Variants in SLC2A14 observed in about 807,000 individuals in gnomAD.
The protein encoded by SLC2A14 is solute carrier family 2, facilitated glucose transporter member 14.
In SLC2A14, 13 loss-of-function variants were observed where a neutral mutation model predicts 43.0. The ratio of observed to expected loss-of-function variants is 0.30; its 90% confidence interval spans 0.20 to 0.48. The LOEUF is 0.48. Ranked by LOEUF, SLC2A14 falls within the 20% of genes least tolerant of loss-of-function variation. The pLI is 0.99. For synonymous variants in SLC2A14, 190 were observed against 233.8 expected (o/e 0.81, Z 1.71); for missense variants, 428 against 620.4 (o/e 0.69, Z 3.29).
chr12:7,826,869 C>CCTTCA (rs1565507744), intron 7 of SLC2A14, among the ~76,000 whole-genome samples: 1 of 33,944 alleles, frequency 2.9e-5, no homozygotes, highest in Non-Finnish European at 5.8e-5. Context: ...TTTTTTCTTT[C>CCTTCA]TTTCTTTCTT....
At chr12:7,815,915 T>TTTG (rs1863406818) in intron 10 of SLC2A14, among the ~76,000 whole-genome samples, 1 of 151,338 alleles carries the variant, frequency 6.6e-6, no homozygotes, top group African/African-American at 2.4e-5. Context: ...TGTTTTTGTT[T>TTTG]TTGAGATGGA....
chr12:7,831,533 C>T, intron 4 of SLC2A14, 71 bp downstream of exon 4: 2 of 1,591,346 alleles, frequency 1.3e-6, no homozygotes, highest in East Asian at 4.5e-5. Flanking sequence ...CACCTCCCTG[C>T]CCTAACTCTC....
intron 8 of SLC2A14, 147 bp downstream of exon 8, chr12:7,821,074 A>G: frequency 1.8e-6 from 1 of 544,986 alleles, no homozygotes; most frequent in East Asian, 3.6e-5. Context: ...GCAACAGAGC[A>G]AGACTCTGTC....
intron 1 of SLC2A14, among the ~76,000 whole-genome samples, chr12:7,885,986 C>A (rs1592336891): frequency 6.6e-6 from 1 of 150,686 alleles, no homozygotes; most frequent in Non-Finnish European, 1.5e-5. Context: ...TCTTTTCTTT[C>A]CTTCTTTTTT....
rs868183928 is a variant in SLC2A14, at chr12:7,878,954, G to A, written c.132+12042C>T. The stretch of plus-strand genomic sequence containing the variant: ...ATCCTGCCACTGCACTCCAGCCTGG[G>A]CGACACAGCAAGAGTCCGTCTCAAA... On this transcript the variant is annotated intron_variant, in intron 1 of 9. Coordinates refer to the SLC2A14 transcript ENST00000539924. 1.6e-3 allele frequency among the ~76,000 whole-genome samples: 189 copies of A among 121,244 alleles called. 1 individual carries two copies. Among genetic ancestry groups the A allele is most frequent in the African/African-American group, 4.6e-3 (150 of 32,632 alleles). 79.5% of individuals were successfully genotyped at this position (121,244 alleles called of 152,430 possible).
rs761765219 is a variant in SLC2A14, at chr12:7,813,393, T to G, written c.*923A>C. 6.6e-6 allele frequency: 1 copy of G among 152,214 alleles called. No individual in the cohort carries two copies. 9.4% of individuals were successfully genotyped at this position (152,214 alleles called of 1,614,324 possible). A position where few individuals can be genotyped will look rare whatever the true frequency, so the allele number is the denominator to read the frequency against. ...CGTCCAGTGAGGGGAACAGGCTTTC[T>G]AGAAATCACTTTCTCTTCCCTGGAC... On this transcript the variant is annotated 3_prime_UTR_variant, in exon 11 of 11. Coordinates refer to ENST00000431042, the MANE Select transcript of SLC2A14 (RefSeq NM_001286234.2).
At chr12:7,866,425 C>A (rs1053582008) in intron 2 of SLC2A14, among the ~76,000 whole-genome samples, 3 of 151,930 alleles carry the variant, frequency 2.0e-5, no homozygotes, top group African/African-American at 7.3e-5. Context: ...AGTGCAGTGG[C>A]ATGATCTCAG....
chr12:7,844,149 C>T (rs1866254198), intron 2 of SLC2A14, among the ~76,000 whole-genome samples: 1 of 152,146 alleles, frequency 6.6e-6, no homozygotes, highest in Non-Finnish European at 1.5e-5. Context: ...GTGCTGGTTC[C>T]AGTCTATAGC....
At chr12:7,846,891 C>T (rs1001949170) in intron 2 of SLC2A14, among the ~76,000 whole-genome samples, 5 of 151,426 alleles carry the variant, frequency 3.3e-5, no homozygotes, top group Admixed American at 6.6e-5. Context: ...CCTGGCCTCC[C>T]GAAGTGCTGG....
intron 7 of SLC2A14, among the ~76,000 whole-genome samples, chr12:7,826,647 A>G (rs1450928768): frequency 4.6e-5 from 7 of 152,050 alleles, no homozygotes; most frequent in African/African-American, 1.7e-4. Flanking sequence ...TCCACACTCA[A>G]TAGCAGGAAG....
intron 10 of SLC2A14, among the ~76,000 whole-genome samples, chr12:7,815,796 G>T (rs1019086526): frequency 2.6e-5 from 4 of 152,080 alleles, no homozygotes; most frequent in African/African-American, 9.7e-5. Flanking sequence ...GGCTGGTCTT[G>T]CACTCCCAAC....
intron 2 of SLC2A14, chr12:7,860,552 G>A (rs2120990293): frequency 6.6e-6 from 1 of 152,282 alleles, no homozygotes. Flanking sequence ...TGCGCTGATT[G>A]GATCAGAGGC....
rs1372114446 is a variant in SLC2A14, at chr12:7,833,721, G to A, written c.19-907C>T. Reference sequence around the variant, plus strand: ...CGCTTGACCCTGAGAGGCGGAGGTTGCAGTGAGCCGAGACCGTGCCACTGC... The same window carrying A: ...CGCTTGACCCTGAGAGGCGGAGGTTACAGTGAGCCGAGACCGTGCCACTGC... On this transcript the variant is annotated intron_variant, in intron 2 of 10. Coordinates refer to ENST00000431042, the MANE Select transcript of SLC2A14 (RefSeq NM_001286234.2). 2.0e-5 allele frequency among the ~76,000 whole-genome samples: 3 copies of A among 151,340 alleles called. No homozygotes were observed. In the East Asian group the frequency reaches 5.8e-4, roughly 29 times the overall value.
chr12:7,824,546 T>G (rs2120714147), intron 7 of SLC2A14, among the ~76,000 whole-genome samples: 1 of 151,264 alleles, frequency 6.6e-6, no homozygotes, highest in African/African-American at 2.4e-5. Context: ...CCAGCCTGAC[T>G]AACCTGGAAA....
At chr12:7,825,969 CTT>C (rs765257339) in intron 7 of SLC2A14, among the ~76,000 whole-genome samples, 1 of 145,006 alleles carries the variant, frequency 6.9e-6, no homozygotes. Flanking sequence ...TTTATTCTTT[CTT>C]TTTTTTTTTA....
chr12:7,828,555 AG>A (rs1864704039), intron 6 of SLC2A14, 148 bp downstream of exon 6: 1 of 888,308 alleles, frequency 1.1e-6, no homozygotes. Context: ...TCTCAAAAAA[AG>A]AAAAAACAAA....
rs1267867901 is a variant in SLC2A14, at chr12:7,816,232, G to C, written c.1275+1599C>G. Among the ~76,000 whole-genome samples the C allele has an allele frequency of 5.3e-4, 57 of 108,330 alleles. 18 individuals are homozygous for C. Among genetic ancestry groups the C allele is most frequent in the Non-Finnish European group, 9.9e-4 (53 of 53,562 alleles). The allele number at this position is 108,330 out of a possible 152,430, so 71.1% of individuals were successfully genotyped here. Reference sequence around the variant, plus strand: ...CCATTCTCCTGCCTCAGCCTCCCGAGTAGCTGGGACTACAGGCGCCCGCCA... The same window carrying C: ...CCATTCTCCTGCCTCAGCCTCCCGACTAGCTGGGACTACAGGCGCCCGCCA... On this transcript the variant is annotated intron_variant, in intron 10 of 10. Transcript: ENST00000431042.
chr12:7,851,906 C>T (rs1287817048), intron 2 of SLC2A14, among the ~76,000 whole-genome samples: 2 of 152,196 alleles, frequency 1.3e-5, no homozygotes, highest in South Asian at 2.1e-4. Context: ...ACGTGGAGGA[C>T]GTGCAGAGAC....
chr12:7,886,292 G>A (rs1040151795), intron 1 of SLC2A14, among the ~76,000 whole-genome samples: 1 of 150,302 alleles, frequency 6.7e-6, no homozygotes, highest in African/African-American at 2.4e-5. Context: ...CTCCCAAGTA[G>A]CTGGGACCAC....
Sources: allele counts gnomAD v4.1 joint callset (sites outside exome capture counted in the v4.1 genomes callset), GRCh38; gene constraint gnomAD v4.1.1; transcripts MANE v1.5; gene names NCBI Gene and HGNC (gene_info 2026-07-23, HGNC 2026-07-21).